The following F5 variants were observed in gnomAD, a reference collection of about 807,000 sequenced individuals.
The protein encoded by F5 is activated protein c cofactor.
F5 carries 138 observed loss-of-function variants against 216.4 expected under a neutral mutation model. The observed-to-expected ratio is 0.64, with a 90% CI of 0.56 to 0.73. The LOEUF is 0.73. Ranked by LOEUF, F5 falls within the 30% of genes least tolerant of loss-of-function variation. The pLI, the probability that F5 is intolerant of heterozygous loss-of-function variation, is 0.00. For synonymous variants in F5, 916 were observed against 930.7 expected, an observed-to-expected ratio of 0.98 and a Z score of 0.29; for missense variants, 2,403 against 2,674.0, an observed-to-expected ratio of 0.90 and a Z score of 2.24.
At chr1:169,526,137 AT>A in intron 17 of F5, 120 bp from the exon 18 acceptor site, 1 of 712,814 alleles carries the variant, frequency 1.4e-6, no homozygotes, top group Non-Finnish European at 2.5e-6. Context: ...GAATTTAACC[AT>A]TTTTCTTTAG....
chr1:169,532,930 A>C (rs1355859843), intron 14 of F5, among the ~76,000 whole-genome samples: 1 of 152,212 alleles, frequency 6.6e-6, no homozygotes, highest in Non-Finnish European at 1.5e-5. Flanking sequence ...AGCAATCCTA[A>C]GCAAAAAGAA....
chr1:169,548,714 C>CA, intron 10 of F5, among the ~76,000 whole-genome samples: 1 of 151,724 alleles, frequency 6.6e-6, no homozygotes, highest in Non-Finnish European at 1.5e-5. Flanking sequence ...CTAAAAAATA[C>CA]AAAAATTACA....
In F5 at chr1:169,540,229, G is replaced by T; in HGVS notation, c.4796+65C>A. ...TTGCCCACAATTATCCCCCTGAATT[G>T]TAGTAGCTACTTTTTTCAGCAGTAA... is the stretch of plus-strand genomic sequence containing the variant. On this transcript the variant is annotated intron_variant, in intron 13 of 24. Coordinates refer to ENST00000367797, the MANE Select transcript of F5 (RefSeq NM_000130.5). The T allele has an allele frequency of 1.9e-6, 3 of 1,550,920 alleles. No homozygotes were observed. In the South Asian group the frequency reaches 3.4e-5, roughly 17 times the overall value.
chr1:169,561,595 T>C (rs1660488918), intron 3 of F5, among the ~76,000 whole-genome samples: 3 of 152,066 alleles, frequency 2.0e-5, no homozygotes, highest in African/African-American at 7.2e-5. Context: ...GTGAGTGCCA[T>C]AGAGAGCCAA....
In F5 at chr1:169,543,061, G is replaced by A; in HGVS notation, c.2029C>T (p.Leu677=). The A allele has an allele frequency of 1.2e-6, 2 of 1,613,930 alleles. No individual in the cohort carries two copies. Among genetic ancestry groups the A allele is most frequent in the Non-Finnish European group, 1.7e-6 (2 of 1,179,930 alleles). Residue 677 remains leucine, a synonymous_variant, in exon 13 of 25, where the codon CTG becomes TTG. Coordinates refer to ENST00000367797, the MANE Select transcript of F5 (RefSeq NM_000130.5). The stretch of plus-strand genomic sequence containing the variant: ...ATACATTTAACATCCCTGAATTTCA[G>A]CCTCAGCTTTTTGCTTCTTGGACTA... The part of the protein sequence containing the change: ...NSSPRSKKLR[L]KFRDVKCIPD...
At chr1:169,557,561 A>T (rs1660361454) in intron 5 of F5, among the ~76,000 whole-genome samples, 1 of 152,182 alleles carries the variant, frequency 6.6e-6, no homozygotes, top group Non-Finnish European at 1.5e-5. Context: ...AGGAGTAGTG[A>T]TAACTGAATA....
chr1:169,570,966 T>C (rs1380462011), intron 3 of F5, among the ~76,000 whole-genome samples: 1 of 152,164 alleles, frequency 6.6e-6, no homozygotes, highest in Non-Finnish European at 1.5e-5. Flanking sequence ...CTTATTAGTC[T>C]AGTTCTAAAA....
chr1:169,548,901 A>G (rs1172949629), intron 10 of F5, among the ~76,000 whole-genome samples: 1 of 151,912 alleles, frequency 6.6e-6, no homozygotes, highest in Non-Finnish European at 1.5e-5. Context: ...AAATCCCAAA[A>G]GAAAAATCTC....
At chr1:169,521,614 G>GTTTTTTTTTTTTTT (rs1659308596) in intron 21 of F5, among the ~76,000 whole-genome samples, 1 of 95,402 alleles carries the variant, frequency 1.0e-5, no homozygotes. Context: ...TCTGTGAAAA[G>GTTTTTTTTTTTTTT]ATTTTTTTTT....
At chr1:169,546,668 A>G (rs1250001328) in intron 10 of F5, 76 bp from the exon 11 acceptor site, 1 of 1,324,072 alleles carries the variant, frequency 7.6e-7, no homozygotes, top group Non-Finnish European at 1.1e-6. Context: ...GAACTCAGAA[A>G]TAAGGCTGCG....
chr1:169,524,488 G>A (rs9332640), intron 19 of F5, among the ~76,000 whole-genome samples: 1 of 151,988 alleles, frequency 6.6e-6, no homozygotes, highest in African/African-American at 2.4e-5. Flanking sequence ...GGTCATAAGA[G>A]TAAGGTATCT....
chr1:169,534,783 G>C (rs541580760), intron 14 of F5, among the ~76,000 whole-genome samples: 1 of 152,166 alleles, frequency 6.6e-6, no homozygotes, highest in South Asian at 2.1e-4. Flanking sequence ...ATCAATCTAG[G>C]TGCCCATCAG....
At chr1:169,535,645 C>A (rs1030350835) in intron 14 of F5, among the ~76,000 whole-genome samples, 2 of 152,216 alleles carry the variant, frequency 1.3e-5, no homozygotes, top group South Asian at 4.2e-4. Flanking sequence ...TTTTTGATTC[C>A]TGAGTTACTT....
rs1043138021 is a variant in F5, at chr1:169,555,271, C to G, written c.1029G>C (p.Gln343His). Residue 343 changes from glutamine to histidine, a missense_variant, in exon 7 of 25, where the codon CAG becomes CAC. Gln to His is a conservative substitution (Grantham distance 24, BLOSUM62 0). Transcript: ENST00000367797. The part of the protein sequence containing the change: ...TRNLKKITRE[Q>H]RRHMKRWEYF... ...ATTCCCACCTCTTCATGTGCCGCCTCTGCTCACGAGTTATTTTCTTAAGAT... is the reference window on the plus strand; with the variant it reads ...ATTCCCACCTCTTCATGTGCCGCCTGTGCTCACGAGTTATTTTCTTAAGAT... 6.2e-7 allele frequency: 1 copy of G among 1,614,082 alleles called. No homozygotes were observed.
intron 1 of F5, 98 bp downstream of exon 1, chr1:169,586,131 A>G (rs1361902549): frequency 3.6e-5 from 26 of 732,274 alleles, no homozygotes; most frequent in Non-Finnish European, 4.7e-5. Flanking sequence ...CCTGAAGTTA[A>G]AAAAAAAAAA....
chr1:169,569,175 T>C (rs1660670876), intron 3 of F5, among the ~76,000 whole-genome samples: 1 of 151,990 alleles, frequency 6.6e-6, no homozygotes, highest in East Asian at 1.9e-4. Context: ...AATATTCAGA[T>C]GAGAAGTGAA....
In F5 at chr1:169,541,529, A is replaced by T; in HGVS notation, c.3561T>A (p.Ser1187=). ...SEHEVWQTVI[S]PDLSQVTLSP... ...AGAGGGTCACCTGGCTGAGGTCTGGAGAGATGACTGTCTGCCAGACTTCAT... is the reference window on the plus strand; with the variant it reads ...AGAGGGTCACCTGGCTGAGGTCTGGTGAGATGACTGTCTGCCAGACTTCAT... The change falls in exon 13 of 25, where the codon TCT becomes TCA. Residue 1187 remains serine (S), a synonymous_variant. Coordinates refer to ENST00000367797, the MANE Select transcript of F5 (RefSeq NM_000130.5). 6.2e-7 allele frequency: 1 copy of T among 1,614,142 alleles called. No homozygotes were observed. Among genetic ancestry groups the T allele is most frequent in the Non-Finnish European group, 8.5e-7 (1 of 1,180,002 alleles).
intron 14 of F5, among the ~76,000 whole-genome samples, chr1:169,535,055 G>C (rs932126449): frequency 2.6e-5 from 4 of 151,964 alleles, no homozygotes; most frequent in African/African-American, 9.7e-5. Context: ...GATGAGCAAG[G>C]GATGAAAAAC....
rs1184703425 is a variant in F5 at position 169,543,065 on chromosome 1, C to T, written c.2025G>A (p.Leu675=). Residue 675 remains leucine, a synonymous_variant, in exon 13 of 25, where the codon CTG becomes CTA. Transcript: ENST00000367797. The stretch of plus-strand genomic sequence containing the variant: ...ATTTAACATCCCTGAATTTCAGCCT[C>T]AGCTTTTTGCTTCTTGGACTAGAAT... ...SMNSSPRSKK[L]RLKFRDVKCI... is the part of the protein sequence containing the mutation. The T allele has an allele frequency of 1.4e-5, 22 of 1,613,876 alleles. No homozygotes were observed. The highest frequency in any genetic ancestry group is 1.7e-5 in the Non-Finnish European group (20 of 1,179,952).
Sources: allele counts gnomAD v4.1 joint callset (sites outside exome capture counted in the v4.1 genomes callset), GRCh38; gene constraint gnomAD v4.1.1; transcripts MANE v1.5; gene names NCBI Gene and HGNC (gene_info 2026-07-23, HGNC 2026-07-21).